Variants in CIAPIN1 observed in about 807,000 individuals in gnomAD.
CIAPIN1 encodes the protein cytokine induced apoptosis inhibitor 1, also known as anamorsin.
CIAPIN1 carries 18 observed loss-of-function variants against 34.3 expected under a neutral mutation model. That is an observed-to-expected ratio of 0.52 (90% confidence interval 0.36 to 0.78). CIAPIN1 has a LOEUF of 0.78. Ranked by LOEUF, CIAPIN1 falls within the 30% of genes least tolerant of loss-of-function variation. CIAPIN1 has a pLI of 0.00. For missense variants in CIAPIN1, 310 were observed against 372.5 expected (o/e 0.83, Z 1.38); for synonymous variants, 131 against 140.4 (o/e 0.93, Z 0.47).
intron 2 of CIAPIN1, among the ~76,000 whole-genome samples, chr16:57,440,504 G>C (rs1458266221): frequency 6.6e-6 from 1 of 151,924 alleles, no homozygotes; most frequent in South Asian, 2.1e-4. Flanking sequence ...TGTCTCCCCC[G>C]GACACCCAGC....
At chr16:57,441,102 A>G in intron 1 of CIAPIN1, 119 bp from the exon 2 acceptor site, 1 of 567,614 alleles carries the variant, frequency 1.8e-6, no homozygotes, top group Non-Finnish European at 3.0e-6. Flanking sequence ...TCTACTGTAT[A>G]TGCTAAAGAG....
chr16:57,432,758 C>T lies in CIAPIN1; in HGVS notation c.557-198G>A, dbSNP rs371679583. 1.6e-4 allele frequency among the ~76,000 whole-genome samples: 25 copies of T among 152,340 alleles called. No individual in the cohort carries two copies. In the East Asian group the frequency reaches 4.2e-3, roughly 26 times the overall value. On this transcript the variant is annotated intron_variant, in intron 5 of 8. Transcript: ENST00000394391. ...CACTTGCTGATAGTTACAGAAGTCA[C>T]CATTTGCTAAGCTCTTGCTTTGCAC... is the stretch of plus-strand genomic sequence containing the variant.
intron 6 of CIAPIN1, 147 bp from the exon 7 acceptor site, chr16:57,431,413 A>C: frequency 1.8e-6 from 1 of 545,068 alleles, no homozygotes; most frequent in Non-Finnish European, 3.3e-6. Context: ...ATCATGTTCA[A>C]CCTGACCACA....
At chr16:57,431,865 G>C (rs1305362819) in intron 6 of CIAPIN1, among the ~76,000 whole-genome samples, 1 of 152,126 alleles carries the variant, frequency 6.6e-6, no homozygotes, top group Non-Finnish European at 1.5e-5. Flanking sequence ...TTAAAGCATG[G>C]AACAGTCAGC....
intron 1 of CIAPIN1, among the ~76,000 whole-genome samples, chr16:57,441,733 T>C (rs561464208): frequency 2.6e-4 from 39 of 152,340 alleles, no homozygotes; most frequent in African/African-American, 8.7e-4. Context: ...TTTTAACCTA[T>C]GGAAATTTCC....
intron 8 of CIAPIN1, 34 bp from the exon 9 acceptor site, chr16:57,429,314 C>G: frequency 7.0e-7 from 1 of 1,432,408 alleles, no homozygotes; most frequent in African/African-American, 1.4e-5. Context: ...CAAGGGTCAG[C>G]TTATCCCAGG....
At chr16:57,433,726 T>C in intron 5 of CIAPIN1, 2 of 347,334 alleles carry the variant, frequency 5.8e-6, no homozygotes, top group South Asian at 4.6e-5. Context: ...TGAGGTCTTC[T>C]GAGGAGAAAC....
chr16:57,431,089 GA>G, intron 7 of CIAPIN1, 61 bp downstream of exon 7: 1 of 938,914 alleles, frequency 1.1e-6, no homozygotes, highest in Non-Finnish European at 1.7e-6. Context: ...ACAGCACCGC[GA>G]TGTCTTCAGC....
intron 7 of CIAPIN1, 58 bp downstream of exon 7, chr16:57,431,093 T>G: frequency 1.0e-6 from 1 of 1,002,416 alleles, no homozygotes; most frequent in African/African-American, 1.6e-5. Flanking sequence ...CACCGCGATG[T>G]CTTCAGCATG....
At position 57,436,667 on chromosome 16, in the gene CIAPIN1, C is replaced by A. The variant is rs1208762937; in HGVS notation, c.376G>T (p.Glu126Ter). 1 of 1,613,820 alleles carries A rather than the reference C, an allele frequency of 6.2e-7. No homozygotes were observed. The highest frequency in any genetic ancestry group is 2.2e-5 in the East Asian group (1 of 44,888). Residue 126 changes from glutamate (E) to a stop codon, truncating the protein, a stop_gained, in exon 4 of 9, where the codon GAA becomes TAA. Coordinates refer to ENST00000394391, the MANE Select transcript of CIAPIN1 (RefSeq NM_020313.4). LOFTEE classifies it high-confidence loss of function. ...CSALTLSGLV[E>*]VKELQREPLT... ...GTCTACAAACGTACCTCTTTCACTT[C>A]CACAAGACCAGAAAGAGTCAGGGCT...
intron 1 of CIAPIN1, among the ~76,000 whole-genome samples, chr16:57,443,979 G>C (rs2029952856): frequency 6.6e-6 from 1 of 152,038 alleles, no homozygotes; most frequent in African/African-American, 2.4e-5. Flanking sequence ...TTCTTCCTTG[G>C]GACAATAGAA....
chr16:57,447,225 GCGTTCCCAT>G, intron 1 of CIAPIN1, 108 bp downstream of exon 1: 1 of 358,822 alleles, frequency 2.8e-6, no homozygotes, highest in Admixed American at 4.7e-5. Flanking sequence ...GGCCGTGGCT[GCGTTCCCAT>G]CGAGGAACGG....
At chr16:57,441,187 G>A (rs1175253772) in intron 1 of CIAPIN1, 2 of 285,750 alleles carry the variant, frequency 7.0e-6, no homozygotes, top group Non-Finnish European at 1.3e-5. Flanking sequence ...AGCTTCCTTG[G>A]TGAGAATCCT....
intron 8 of CIAPIN1, among the ~76,000 whole-genome samples, chr16:57,429,683 G>A (rs1030398419): frequency 7.9e-5 from 12 of 151,820 alleles, no homozygotes; most frequent in African/African-American, 2.4e-4. Context: ...TAGTAGAGAC[G>A]GGGTTTCACC....
intron 2 of CIAPIN1, among the ~76,000 whole-genome samples, chr16:57,440,408 G>A (rs961638862): frequency 3.3e-5 from 5 of 151,936 alleles, no homozygotes; most frequent in African/African-American, 7.3e-5. Context: ...CACCCTATTC[G>A]TACACTCCCT....
At chr16:57,441,060 G>T in intron 1 of CIAPIN1, 77 bp from the exon 2 acceptor site, 1 of 811,686 alleles carries the variant, frequency 1.2e-6, no homozygotes, top group Non-Finnish European at 1.9e-6. Context: ...ACTTGTAACC[G>T]CCCACTAGGG....
chr16:57,438,786 A>C (rs1289791107), intron 3 of CIAPIN1, among the ~76,000 whole-genome samples: 1 of 152,188 alleles, frequency 6.6e-6, no homozygotes, highest in Non-Finnish European at 1.5e-5. Flanking sequence ...CGAGCATATG[A>C]ATGGATTTGT....
In CIAPIN1 at chr16:57,432,554, G is replaced by A. The variant is rs1357265598; in HGVS notation, c.563C>T (p.Pro188Leu). 6.2e-7 allele frequency: 1 copy of A among 1,612,334 alleles called. No homozygotes were observed. Among genetic ancestry groups the A allele is most frequent in the Non-Finnish European group, 8.5e-7 (1 of 1,179,694 alleles). The change falls in exon 6 of 9, where the codon CCT (proline) becomes CTT (leucine). Residue 188 changes from proline to leucine, a missense_variant. By Grantham distance (98) the Pro-to-Leu change is moderately conservative (BLOSUM62 -3). Transcript: ENST00000394391. ...ITKKSSPSVK[P>L]AVDPAAAKLW... ...CTTGGCAGCAGCAGGGTCCACAGCA[G>A]GTTTCACTGAGTCCAAGCAATAAAA...
At chr16:57,440,149 A>C (rs909820096) in intron 2 of CIAPIN1, among the ~76,000 whole-genome samples, 1 of 152,194 alleles carries the variant, frequency 6.6e-6, no homozygotes, top group Non-Finnish European at 1.5e-5. Context: ...GTTGCAGATA[A>C]GGGATGAAAT....
Sources: allele counts gnomAD v4.1 joint callset (sites outside exome capture counted in the v4.1 genomes callset), GRCh38; gene constraint gnomAD v4.1.1; transcripts MANE v1.5; gene names NCBI Gene and HGNC (gene_info 2026-07-23, HGNC 2026-07-21).